The following RNLS variants were observed in gnomAD, a reference collection of about 807,000 sequenced individuals.
RNLS encodes the protein renalase, FAD dependent amine oxidase.
Under a neutral mutation model 39.8 loss-of-function variants are expected in RNLS, and 39 were observed. The observed-to-expected ratio is 0.98, with a 90% CI of 0.76 to 1.28. The LOEUF is 1.28. Ranked by LOEUF, RNLS falls within the 50% of genes most tolerant of loss-of-function variation. The pLI is 0.00. For missense variants in RNLS, 410 were observed against 413.3 expected (o/e 0.99, Z 0.07); for synonymous variants, 147 against 150.7 (o/e 0.98, Z 0.18).
intron 4 of RNLS, among the ~76,000 whole-genome samples, chr10:88,364,117 G>A (rs1307482956): frequency 2.0e-5 from 3 of 152,100 alleles, no homozygotes; most frequent in African/African-American, 7.2e-5. Flanking sequence ...GCTTGTTTAT[G>A]TATGTACAAC....
intron 6 of RNLS, among the ~76,000 whole-genome samples, chr10:88,311,190 A>G (rs1845353712): frequency 6.6e-6 from 1 of 152,204 alleles, no homozygotes; most frequent in African/African-American, 2.4e-5. Flanking sequence ...ATAGTTTGAG[A>G]AGGGCATCAT....
At chr10:88,306,121 T>C (rs1041204073) in intron 6 of RNLS, among the ~76,000 whole-genome samples, 5 of 152,138 alleles carry the variant, frequency 3.3e-5, no homozygotes, top group African/African-American at 9.7e-5. Context: ...GGAATTTATT[T>C]GAAATTAATG....
At chr10:88,571,211 G>T (rs773261031) in intron 4 of RNLS, among the ~76,000 whole-genome samples, 1 of 151,662 alleles carries the variant, frequency 6.6e-6, no homozygotes, top group South Asian at 2.1e-4. Flanking sequence ...CGAACACCTG[G>T]GCTCAAGCAA....
intron 4 of RNLS, among the ~76,000 whole-genome samples, chr10:88,449,015 A>G (rs10749589): frequency 0.7 from 106,026 of 152,062 alleles, 37,896 homozygotes; most frequent in African/African-American, 0.86. Context: ...GCGGGGAGGG[A>G]GAAGGGATAG....
the RNLS span, among the ~76,000 whole-genome samples, chr10:88,265,975 A>G: frequency 6.6e-6 from 1 of 152,224 alleles, no homozygotes; most frequent in African/African-American, 2.4e-5. Context: ...CCCAGCAGCC[A>G]GCATGAGGCA....
intron 6 of RNLS, among the ~76,000 whole-genome samples, chr10:88,313,736 T>C (rs1159242646): frequency 6.6e-6 from 1 of 152,228 alleles, no homozygotes; most frequent in African/African-American, 2.4e-5. Context: ...AATGGACAAC[T>C]CACTGCTTTT....
chr10:88,482,643 C>A (rs180698322), intron 4 of RNLS, among the ~76,000 whole-genome samples: 42 of 152,144 alleles, frequency 2.8e-4, no homozygotes, highest in Non-Finnish European at 5.0e-4. Flanking sequence ...TCTACAAAAT[C>A]TAACATTTGG....
chr10:88,425,036 A>G (rs1224219506), intron 4 of RNLS, among the ~76,000 whole-genome samples: 2 of 152,160 alleles, frequency 1.3e-5, no homozygotes, highest in African/African-American at 4.8e-5. Context: ...GTATTAAGAT[A>G]ATCAGGATGC....
At chr10:88,534,452 A>C (rs1036127015) in intron 4 of RNLS, among the ~76,000 whole-genome samples, 2 of 152,158 alleles carry the variant, frequency 1.3e-5, no homozygotes, top group African/African-American at 4.8e-5. Context: ...GAAATAATAA[A>C]AAATTATTCT....
the RNLS span, among the ~76,000 whole-genome samples, chr10:88,232,543 G>A: frequency 6.6e-6 from 1 of 152,154 alleles, no homozygotes; most frequent in Non-Finnish European, 1.5e-5. Context: ...AGCCTCCCAA[G>A]TAGCTAGGAC....
the RNLS span, among the ~76,000 whole-genome samples, chr10:88,180,498 T>C: frequency 4.6e-5 from 7 of 152,208 alleles, no homozygotes; most frequent in Non-Finnish European, 8.8e-5. Flanking sequence ...CAGTTTTTGG[T>C]GCTTTAGGTT....
At chr10:88,446,072 C>T (rs1842015695) in intron 4 of RNLS, among the ~76,000 whole-genome samples, 1 of 152,160 alleles carries the variant, frequency 6.6e-6, no homozygotes, top group African/African-American at 2.4e-5. Context: ...AAGTAAAGCA[C>T]TCCTCAGCAG....
chr10:88,479,458 T>A (rs1012017345), intron 4 of RNLS, among the ~76,000 whole-genome samples: 5 of 152,218 alleles, frequency 3.3e-5, no homozygotes, highest in Admixed American at 2.0e-4. Flanking sequence ...CTAATTTAAG[T>A]ATTCACCACA....
chr10:88,509,370 T>C (rs1007419812), intron 4 of RNLS, among the ~76,000 whole-genome samples: 7 of 151,200 alleles, frequency 4.6e-5, no homozygotes, highest in Non-Finnish European at 7.4e-5. Context: ...ATACGTAGCA[T>C]AGTGGCAGAT....
chr10:88,514,761 C>T (rs1296696882), intron 4 of RNLS, among the ~76,000 whole-genome samples: 1 of 152,006 alleles, frequency 6.6e-6, no homozygotes, highest in Non-Finnish European at 1.5e-5. Flanking sequence ...TTTTTTAACA[C>T]CAAATAATAT....
At chr10:88,237,164 C>G in the RNLS span, among the ~76,000 whole-genome samples, 1 of 151,910 alleles carries the variant, frequency 6.6e-6, no homozygotes, top group Non-Finnish European at 1.5e-5. Context: ...ATATTTGTTA[C>G]GTGAACATGT....
intron 6 of RNLS, among the ~76,000 whole-genome samples, chr10:88,300,371 G>A (rs1021269872): frequency 2.0e-5 from 3 of 152,196 alleles, no homozygotes; most frequent in Admixed American, 6.5e-5. Context: ...TACAATACAC[G>A]ATGGCAAAGA....
In RNLS at chr10:88,336,561, A is replaced by G. The variant is rs114974924; in HGVS notation, c.701-21920T>C. 3.9e-3 allele frequency among the ~76,000 whole-genome samples: 596 copies of G among 152,342 alleles called. 2 individuals carry two copies. Among genetic ancestry groups the G allele is most frequent in the African/African-American group, 0.012 (511 of 41,576 alleles). On this transcript the variant is annotated intron_variant, in intron 5 of 6. Transcript: ENST00000331772. ...CTAAAGTTCCTACTTCCAGTTTCAG[A>G]AGATGTTTCTCCATAGCTACAACAT...
At chr10:88,324,222 C>T (rs982872321) in intron 5 of RNLS, among the ~76,000 whole-genome samples, 3 of 152,006 alleles carry the variant, frequency 2.0e-5, no homozygotes, top group African/African-American at 7.2e-5. Context: ...TCAGCAATCC[C>T]ACTACTGGGT....
Sources: gnomAD v4.1 joint callset for allele counts (sites outside exome capture counted in the v4.1 genomes callset) on GRCh38, gnomAD v4.1.1 for gene constraint, MANE v1.5 for transcripts, NCBI Gene and HGNC (gene_info 2026-07-23, HGNC 2026-07-21) for gene names.